The following DRC11 variants were observed in gnomAD, a reference collection of about 807,000 sequenced individuals.
DRC11 encodes the protein dynein regulatory complex subunit 11, also known as IQ and AAA domain-containing protein 1.
the DRC11 span, among the ~76,000 whole-genome samples, chr2:236,369,499 T>C: frequency 6.6e-6 from 1 of 152,234 alleles, no homozygotes; most frequent in Non-Finnish European, 1.5e-5. This position sits in a 1 kb window ranked among gnomAD's most constrained non-coding sequence, Gnocchi z 4.5. Context: ...AGAGATCCTG[T>C]AACAACCGTT....
At chr2:236,495,873 G>T in the DRC11 span, among the ~76,000 whole-genome samples, 4 of 152,080 alleles carry the variant, frequency 2.6e-5, no homozygotes. This position sits in a 1 kb window ranked among gnomAD's most constrained non-coding sequence, Gnocchi z 5.6. Flanking sequence ...GTGCTTGGTG[G>T]CCCCATCCCC....
the DRC11 span, chr2:236,344,455 G>A: frequency 3.1e-5 from 23 of 736,610 alleles, no homozygotes; most frequent in Admixed American, 4.9e-5. Context: ...TTCCTTCCTC[G>A]CTTGAAAAGG....
chr2:236,410,784 A>C, the DRC11 span, among the ~76,000 whole-genome samples: 2 of 149,234 alleles, frequency 1.3e-5, no homozygotes, highest in Non-Finnish European at 3.0e-5. Flanking sequence ...TGAGAAAAAC[A>C]AGCAATGGGG....
the DRC11 span, among the ~76,000 whole-genome samples, chr2:236,483,817 A>T: frequency 7.9e-5 from 12 of 152,246 alleles, no homozygotes; most frequent in Non-Finnish European, 1.5e-4. The surrounding 1 kb of genome is among the most constrained non-coding windows in gnomAD (Gnocchi z 4.8). Flanking sequence ...GAACTAAATT[A>T]TATTTTAGTT....
At chr2:236,442,338 C>T in the DRC11 span, among the ~76,000 whole-genome samples, 1 of 152,182 alleles carries the variant, frequency 6.6e-6, no homozygotes, top group Admixed American at 6.5e-5. Context: ...TTTCTGCACT[C>T]AGTCTGTGGA....
chr2:236,360,357 G>C, the DRC11 span, among the ~76,000 whole-genome samples: 1 of 152,194 alleles, frequency 6.6e-6, no homozygotes, highest in Non-Finnish European at 1.5e-5. This position sits in a 1 kb window ranked among gnomAD's most constrained non-coding sequence, Gnocchi z 5.8. Flanking sequence ...TAGAGTTGTT[G>C]TAAGGACTGA....
At chr2:236,421,243 A>C in the DRC11 span, among the ~76,000 whole-genome samples, 1 of 152,290 alleles carries the variant, frequency 6.6e-6, no homozygotes, top group Non-Finnish European at 1.5e-5. Context: ...GACACAAAAA[A>C]CCCTTCAAAA....
the DRC11 span, among the ~76,000 whole-genome samples, chr2:236,357,505 A>G: frequency 7.9e-6 from 1 of 127,196 alleles, no homozygotes; most frequent in Non-Finnish European, 1.5e-5. Flanking sequence ...ACATATTTAC[A>G]TATTATAAAT....
chr2:236,340,591 G>C, the DRC11 span, among the ~76,000 whole-genome samples: 1 of 152,188 alleles, frequency 6.6e-6, no homozygotes, highest in African/African-American at 2.4e-5. Flanking sequence ...CCAAAGAACA[G>C]TGGAAGTAGG....
At chr2:236,424,910 G>C in the DRC11 span, among the ~76,000 whole-genome samples, 1 of 152,014 alleles carries the variant, frequency 6.6e-6, no homozygotes, top group Non-Finnish European at 1.5e-5. Context: ...AGATCATGCA[G>C]TATTTGTCTT....
chr2:236,420,915 T>C, the DRC11 span, among the ~76,000 whole-genome samples: 3 of 152,350 alleles, frequency 2.0e-5, no homozygotes, highest in East Asian at 5.8e-4. This position sits in a 1 kb window ranked among gnomAD's most constrained non-coding sequence, Gnocchi z 4.8. Context: ...AGACATTGTT[T>C]GGACCTTAGA....
chr2:236,338,524 C>T, the DRC11 span: 1 of 756,654 alleles, frequency 1.3e-6, no homozygotes, highest in Non-Finnish European at 2.1e-6. Flanking sequence ...AAGGTTTGTC[C>T]TGGGATGGGT....
At chr2:236,409,008 G>T in the DRC11 span, 2 of 684,448 alleles carry the variant, frequency 2.9e-6, no homozygotes, top group Non-Finnish European at 2.7e-6. Context: ...CCCACGATGC[G>T]TGCTGTGCAC....
At chr2:236,443,410 T>C in the DRC11 span, among the ~76,000 whole-genome samples, 31 of 152,222 alleles carry the variant, frequency 2.0e-4, no homozygotes, top group South Asian at 2.9e-3. This position sits in a 1 kb window ranked among gnomAD's most constrained non-coding sequence, Gnocchi z 4.4. Flanking sequence ...TTCCCCTCCA[T>C]GTGTCTGTGG....
the DRC11 span, among the ~76,000 whole-genome samples, chr2:236,447,373 C>T: frequency 3.3e-5 from 5 of 151,642 alleles, no homozygotes; most frequent in Admixed American, 6.5e-5. The surrounding 1 kb of genome is among the most constrained non-coding windows in gnomAD (Gnocchi z 4.6). Context: ...TGTGAAGAGA[C>T]GCTGGGAGCT....
the DRC11 span, among the ~76,000 whole-genome samples, chr2:236,446,171 C>T: frequency 5.9e-5 from 9 of 152,206 alleles, no homozygotes; most frequent in Non-Finnish European, 1.3e-4. The surrounding 1 kb of genome is among the most constrained non-coding windows in gnomAD (Gnocchi z 6.2). Flanking sequence ...CACATCCCGA[C>T]TGAGCCTCCT....
chr2:236,316,970 T>C, the DRC11 span, among the ~76,000 whole-genome samples: 20 of 152,126 alleles, frequency 1.3e-4, no homozygotes, highest in African/African-American at 4.1e-4. This position sits in a 1 kb window ranked among gnomAD's most constrained non-coding sequence, Gnocchi z 6.8. Flanking sequence ...CACAGCAGCA[T>C]CATTCATAAT....
chr2:236,418,006 C>T, the DRC11 span, among the ~76,000 whole-genome samples: 2 of 152,152 alleles, frequency 1.3e-5, no homozygotes, highest in African/African-American at 4.8e-5. Flanking sequence ...GGTTCCAAGT[C>T]TTTGCTATTG....
At chr2:236,438,954 G>C in the DRC11 span, among the ~76,000 whole-genome samples, 2 of 148,966 alleles carry the variant, frequency 1.3e-5, no homozygotes, top group Non-Finnish European at 3.0e-5. Flanking sequence ...TGAACAACCT[G>C]CTCCTGAATG....
Sources: gnomAD v4.1 joint callset for allele counts (sites outside exome capture counted in the v4.1 genomes callset) on GRCh38, gnomAD v4.1.1 for gene constraint, Gnocchi (gnomAD v3.1) non-coding constraint, MANE v1.5 for transcripts, NCBI Gene and HGNC (gene_info 2026-07-23, HGNC 2026-07-21) for gene names.